Variants in COL6A2 observed in about 807,000 individuals in gnomAD.
COL6A2 encodes collagen type VI alpha 2 chain.
A neutral mutation model predicts 124.9 loss-of-function variants in COL6A2; 90 were observed. The ratio of observed to expected loss-of-function variants is 0.72; its 90% CI spans 0.61 to 0.86. The LOEUF (loss-of-function observed/expected upper bound fraction) is 0.86, where lower values mean the gene tolerates loss of function less well. Among genes scored for constraint, COL6A2 ranks in the 40% least tolerant of loss-of-function variants. The pLI is 0.00. For missense variants in COL6A2, 1,607 were observed against 1,502.5 expected (o/e 1.07, Z -1.15); for synonymous variants, 793 against 618.2 (o/e 1.28, Z -4.19).
intron 14 of COL6A2, among the ~76,000 whole-genome samples, 160 bp downstream of exon 14, chr21:46,119,279 C>T (rs1264769551): frequency 6.6e-6 from 1 of 152,174 alleles, no homozygotes; most frequent in Non-Finnish European, 1.5e-5. Flanking sequence ...CCGGACCACC[C>T]CACGGGACCC....
intron 27 of COL6A2, among the ~76,000 whole-genome samples, chr21:46,127,472 C>A (rs2123672698): frequency 6.6e-6 from 1 of 152,250 alleles, no homozygotes; most frequent in East Asian, 1.9e-4. Context: ...GAACCTAGGG[C>A]TTGCACCTGG....
At position 46,116,740 on chromosome 21, in the gene COL6A2, A is replaced by G. The variant is rs962086505; in HGVS notation, c.955-30A>G. The G allele has an allele frequency of 1.9e-6, 3 of 1,612,892 alleles. No individual in the cohort carries two copies. The highest frequency in any genetic ancestry group is 1.3e-5 in the African/African-American group (1 of 74,898). On this transcript the variant is annotated intron_variant, in intron 9 of 27. Coordinates refer to ENST00000300527, the MANE Select transcript of COL6A2 (RefSeq NM_001849.4). This position sits in a 1 kb window ranked among gnomAD's most constrained non-coding sequence, Gnocchi z 4.6. ...TGCTCAGGGCAGAAGGACCGGGGCT[A>G]ATGGAGTTCCCTCTTCCTTCTCTCT... is the stretch of plus-strand genomic sequence containing the variant.
At chr21:46,115,145 T>C (rs1388563554) in intron 5 of COL6A2, among the ~76,000 whole-genome samples, 2 of 152,214 alleles carry the variant, frequency 1.3e-5, no homozygotes, top group African/African-American at 4.8e-5. Flanking sequence ...AGCAGTGCAG[T>C]GACCCGTTCT....
At chr21:46,109,210 C>A (rs1309099034) in intron 1 of COL6A2, among the ~76,000 whole-genome samples, 1 of 152,116 alleles carries the variant, frequency 6.6e-6, no homozygotes, top group East Asian at 1.9e-4. Flanking sequence ...GAGAGGGTAG[C>A]TCCTCTCTGC....
chr21:46,125,048 A>G, intron 23 of COL6A2, 128 bp downstream of exon 23: 1 of 1,262,506 alleles, frequency 7.9e-7, no homozygotes. Flanking sequence ...TCAGAGGGCA[A>G]GGTCAGAGAG....
chr21:46,115,487 C>G (rs921199270), intron 5 of COL6A2, among the ~76,000 whole-genome samples: 3 of 152,174 alleles, frequency 2.0e-5, no homozygotes, highest in Admixed American at 2.0e-4. Flanking sequence ...TCTAAAGTTA[C>G]TTAGATAAAG....
chr21:46,125,421 T>A (rs755165911), intron 24 of COL6A2, 44 bp from the exon 25 acceptor site: 4 of 1,611,232 alleles, frequency 2.5e-6, no homozygotes, highest in East Asian at 4.5e-5. Context: ...CCCTAGGGTC[T>A]GAGGTCTCCC....
chr21:46,118,620 C>G lies in COL6A2; in HGVS notation c.1123C>G (p.Pro375Ala), dbSNP rs143300395. The G allele has an allele frequency of 6.2e-7, 1 of 1,612,542 alleles. No homozygotes were observed. Among genetic ancestry groups the G allele is most frequent in the African/African-American group, 1.3e-5 (1 of 75,076 alleles). Residue 375 changes from proline (P) to alanine (A), a missense_variant, in exon 13 of 28, where the codon CCT (proline) becomes GCT (alanine). Transcript: ENST00000300527. ...ATTCTGCAAACCCTTCCAGGGGGACCCTGGCCGCCCAGGACGCAGAGGGCC... is the reference window on the plus strand; with the variant it reads ...ATTCTGCAAACCCTTCCAGGGGGACGCTGGCCGCCCAGGACGCAGAGGGCC... Reference protein sequence around the residue: ...ERGDQGGKGDPGRPGRRGPPG... With the variant: ...ERGDQGGKGDAGRPGRRGPPG...
At chr21:46,112,987 G>A in intron 4 of COL6A2, 163 bp downstream of exon 4, 1 of 866,346 alleles carries the variant, frequency 1.2e-6, no homozygotes, top group Non-Finnish European at 1.8e-6. Flanking sequence ...TGGAGAAAGG[G>A]CTCCCAGCCA....
chr21:46,122,768 T>G (rs2078586851), intron 20 of COL6A2, 107 bp from the exon 21 acceptor site: 1 of 1,229,214 alleles, frequency 8.1e-7, no homozygotes, highest in Non-Finnish European at 1.2e-6. Context: ...TGCTCCCGTT[T>G]AAAGGACCCC....
chr21:46,112,891 G>A (rs937109745), intron 4 of COL6A2, 67 bp downstream of exon 4: 6 of 1,604,682 alleles, frequency 3.7e-6, no homozygotes, highest in Non-Finnish European at 5.1e-6. Flanking sequence ...ACCGCGCCAG[G>A]CTGCCGACTC....
chr21:46,128,370 C>T (rs903155102), intron 27 of COL6A2, among the ~76,000 whole-genome samples: 6 of 152,230 alleles, frequency 3.9e-5, no homozygotes, highest in African/African-American at 9.6e-5. Flanking sequence ...AAAGTGAACT[C>T]GACCTTGTGG....
chr21:46,116,918 CACACGCAT>C lies in COL6A2; in HGVS notation c.999+109_999+116del. On this transcript the variant is annotated intron_variant, in intron 10 of 27. Transcript: ENST00000300527. The surrounding 1 kb of genome is among the most constrained non-coding windows in gnomAD (Gnocchi z 4.6). ...TGATCTGTCAGCTTACACATGTGTACACACGCATACACACACACACACACACACACACA... is the reference window on the plus strand; with the variant it reads ...TGATCTGTCAGCTTACACATGTGTACACACACACACACACACACACACACA... The C allele has an allele frequency of 1.2e-6, 1 of 857,356 alleles. No individual in the cohort carries two copies. The highest frequency in any genetic ancestry group is 1.8e-6 in the Non-Finnish European group (1 of 551,466). 53.1% of individuals were successfully genotyped at this position (857,356 alleles called of 1,614,324 possible). A position where few individuals can be genotyped will look rare whatever the true frequency, so the allele number is the denominator to read the frequency against.
chr21:46,132,704 C>G lies in COL6A2; in HGVS notation c.*152C>G, dbSNP rs112719972. The G allele has an allele frequency of 1.3e-6, 1 of 770,952 alleles. No homozygotes were observed. The highest frequency in any genetic ancestry group is 2.1e-6 in the Non-Finnish European group (1 of 477,460). The allele number at this position is 770,952 out of a possible 1,614,324, so 47.8% of individuals were successfully genotyped here. ...AGCTCCTCCCACGGGGTCCCCGTAG[C>G]CCCGGCCCCCGCCCAGCCCCAGGTC... On this transcript the variant is annotated 3_prime_UTR_variant, in exon 28 of 28. Transcript: ENST00000300527.
chr21:46,101,165 G>A (rs985902579), intron 1 of COL6A2, among the ~76,000 whole-genome samples: 3 of 152,112 alleles, frequency 2.0e-5, no homozygotes, highest in East Asian at 1.9e-4. Context: ...GATTAGTGAC[G>A]TTGAGCATCT....
chr21:46,124,564 G>C, intron 21 of COL6A2, 87 bp from the exon 22 acceptor site: 1 of 1,261,666 alleles, frequency 7.9e-7, no homozygotes, highest in Non-Finnish European at 1.1e-6. Context: ...GGGAGGACCC[G>C]TGGTTGGGGA....
At chr21:46,119,508 C>T (rs921260386) in intron 14 of COL6A2, among the ~76,000 whole-genome samples, 3 of 152,192 alleles carry the variant, frequency 2.0e-5, no homozygotes, top group East Asian at 1.9e-4. Flanking sequence ...TCACCTAAAA[C>T]GCCACTCACC....
chr21:46,129,249 G>A (rs763233841), intron 27 of COL6A2: 1 of 1,612,822 alleles, frequency 6.2e-7, no homozygotes, highest in Non-Finnish European at 8.5e-7. Context: ...CACGGAAGAG[G>A]GGCCGGACGC....
At chr21:46,124,275 GGATA>G (rs1235571218) in intron 21 of COL6A2, among the ~76,000 whole-genome samples, 1 of 151,688 alleles carries the variant, frequency 6.6e-6, no homozygotes, top group Non-Finnish European at 1.5e-5. Flanking sequence ...GTGGCTGGGT[GGATA>G]GATGGATGGG....
Sources: gnomAD v4.1 joint callset for allele counts (sites outside exome capture counted in the v4.1 genomes callset) on GRCh38, gnomAD v4.1.1 for gene constraint, Gnocchi (gnomAD v3.1) non-coding constraint, MANE v1.5 for transcripts, NCBI Gene and HGNC (gene_info 2026-07-23, HGNC 2026-07-21) for gene names.